Variants in MGAT5 observed in about 807,000 individuals in gnomAD.
The protein encoded by MGAT5 is alpha-1,6-mannosylglycoprotein 6-beta-N-acetylglucosaminyltransferase, also known as alpha-1,6-mannosylglycoprotein 6-beta-N-acetylglucosaminyltransferase A.
Under a neutral mutation model 94.3 loss-of-function variants are expected in MGAT5, and 30 were observed. The ratio of observed to expected loss-of-function variants is 0.32; its 90% CI spans 0.24 to 0.43. The LOEUF is 0.43. Ranked by LOEUF, MGAT5 falls within the 20% of genes least tolerant of loss-of-function variation. The pLI is 1.00. For synonymous variants in MGAT5, 310 were observed against 322.9 expected (o/e 0.96, Z 0.43); for missense variants, 691 against 905.5 (o/e 0.76, Z 3.04).
At chr2:134,269,981 C>T (rs189694810) in intron 1 of MGAT5, among the ~76,000 whole-genome samples, 42 of 152,274 alleles carry the variant, frequency 2.8e-4, no homozygotes, top group African/African-American at 9.1e-4. Flanking sequence ...GTATGCAACA[C>T]GAAAAATAAC....
At chr2:134,175,718 T>C (rs1688430499) in intron 1 of MGAT5, among the ~76,000 whole-genome samples, 1 of 152,230 alleles carries the variant, frequency 6.6e-6, no homozygotes, top group Admixed American at 6.5e-5. Flanking sequence ...TCATAGTTGA[T>C]GCCACTTTGT....
intron 13 of MGAT5, among the ~76,000 whole-genome samples, chr2:134,424,348 G>A (rs912198214): frequency 4.9e-4 from 75 of 152,138 alleles, no homozygotes; most frequent in Non-Finnish European, 1.5e-4. Flanking sequence ...AGGGCACTCC[G>A]ATGCATTATC....
intron 10 of MGAT5, among the ~76,000 whole-genome samples, chr2:134,381,387 T>TA (rs1330332725): frequency 0.011 from 531 of 46,588 alleles, 2 homozygotes; most frequent in South Asian, 0.017. Context: ...ATAGATTAGA[T>TA]AGATAGATAG....
At chr2:134,330,875 C>T (rs1178574648) in intron 4 of MGAT5, among the ~76,000 whole-genome samples, 1 of 152,024 alleles carries the variant, frequency 6.6e-6, no homozygotes, top group African/African-American at 2.4e-5. Flanking sequence ...AAGAAAAAGC[C>T]ATAACACAGA....
chr2:134,259,775 A>G (rs1481011799), intron 1 of MGAT5, among the ~76,000 whole-genome samples: 1 of 152,188 alleles, frequency 6.6e-6, no homozygotes, highest in East Asian at 1.9e-4. Context: ...ATTGGCTGGA[A>G]TATCCCCCAC....
intron 10 of MGAT5, among the ~76,000 whole-genome samples, chr2:134,387,080 G>A (rs925437840): frequency 3.3e-5 from 5 of 151,382 alleles, no homozygotes; most frequent in African/African-American, 9.7e-5. Flanking sequence ...TGACCAACAT[G>A]GAGAAACCCT....
At chr2:134,440,520 C>A (rs2106418288) in intron 14 of MGAT5, among the ~76,000 whole-genome samples, 1 of 152,300 alleles carries the variant, frequency 6.6e-6, no homozygotes, top group South Asian at 2.1e-4. Context: ...CGCGATAGAA[C>A]CATGTCCTGT....
chr2:134,198,798 A>G (rs1679624054), intron 1 of MGAT5, among the ~76,000 whole-genome samples: 1 of 152,126 alleles, frequency 6.6e-6, no homozygotes, highest in African/African-American at 2.4e-5. Context: ...TCATCTTACT[A>G]CTTATAACTT....
chr2:134,414,739 C>G (rs1258130270), intron 12 of MGAT5, among the ~76,000 whole-genome samples: 1 of 152,124 alleles, frequency 6.6e-6, no homozygotes, highest in Admixed American at 6.5e-5. Context: ...ATAACTGAGA[C>G]TTTGACCAAC....
chr2:134,314,863 AG>A (rs1686908775), intron 2 of MGAT5, among the ~76,000 whole-genome samples: 1 of 152,140 alleles, frequency 6.6e-6, no homozygotes, highest in African/African-American at 2.4e-5. Context: ...GCATAGCAAC[AG>A]GGGGGTCTGT....
chr2:134,278,471 G>A (rs1684509882), intron 2 of MGAT5, among the ~76,000 whole-genome samples: 2 of 152,172 alleles, frequency 1.3e-5, no homozygotes, highest in African/African-American at 2.4e-5. Flanking sequence ...CCAGTATCAT[G>A]TTCCATCCTG....
At chr2:134,385,031 G>A (rs905855790) in intron 10 of MGAT5, among the ~76,000 whole-genome samples, 1 of 152,104 alleles carries the variant, frequency 6.6e-6, no homozygotes, top group Non-Finnish European at 1.5e-5. Flanking sequence ...ATACTGGGCT[G>A]GAAACTAGTC....
intron 11 of MGAT5, among the ~76,000 whole-genome samples, chr2:134,406,255 G>A (rs1683326744): frequency 6.6e-6 from 1 of 152,156 alleles, no homozygotes; most frequent in Non-Finnish European, 1.5e-5. Flanking sequence ...TTTGTGAGCT[G>A]GACCAGTACC....
intron 10 of MGAT5, among the ~76,000 whole-genome samples, chr2:134,384,214 GAA>G (rs34069237): frequency 1.7e-4 from 24 of 137,838 alleles, no homozygotes; most frequent in African/African-American, 2.2e-4. Flanking sequence ...TCCGGCCCTT[GAA>G]AAAAAAAAAA....
intron 1 of MGAT5, among the ~76,000 whole-genome samples, chr2:134,236,937 C>A (rs1324506299): frequency 2.0e-5 from 3 of 152,158 alleles, no homozygotes; most frequent in Non-Finnish European, 4.4e-5. Flanking sequence ...CCTCTTATCA[C>A]CCTTTTATAT....
chr2:134,128,405 A>G (rs954336712), intron 1 of MGAT5, among the ~76,000 whole-genome samples: 5 of 152,136 alleles, frequency 3.3e-5, no homozygotes, highest in African/African-American at 9.7e-5. Flanking sequence ...CCAGCTTGTT[A>G]AGTAGTATAG....
intron 4 of MGAT5, chr2:134,319,821 GT>G (rs1687212515): frequency 5.8e-6 from 2 of 344,340 alleles, no homozygotes; most frequent in African/African-American, 4.4e-5. Context: ...ACATATGCAT[GT>G]CTATAGCAGT....
chr2:134,245,051 C>T (rs1213043887), intron 1 of MGAT5, among the ~76,000 whole-genome samples: 7 of 152,196 alleles, frequency 4.6e-5, no homozygotes, highest in Non-Finnish European at 8.8e-5. Flanking sequence ...CTTGCTCTGT[C>T]GCCTAGGCTG....
chr2:134,324,913 T>C (rs911480946), intron 4 of MGAT5, among the ~76,000 whole-genome samples: 7 of 152,128 alleles, frequency 4.6e-5, no homozygotes, highest in Non-Finnish European at 8.8e-5. Context: ...CATGTTCTTT[T>C]CACCTTCTCT....
Sources: allele counts gnomAD v4.1 joint callset (sites outside exome capture counted in the v4.1 genomes callset), GRCh38; gene constraint gnomAD v4.1.1; transcripts MANE v1.5; gene names NCBI Gene and HGNC (gene_info 2026-07-23, HGNC 2026-07-21).